The following PTPRK variants were observed in gnomAD, a reference collection of about 807,000 sequenced individuals.
PTPRK encodes the protein receptor-type tyrosine-protein phosphatase kappa.
Under a neutral mutation model 178.0 loss-of-function variants are expected in PTPRK, and 75 were observed. The observed-to-expected ratio is 0.42, with a 90% CI of 0.35 to 0.51. The LOEUF (loss-of-function observed/expected upper bound fraction) is 0.51, where lower values mean the gene tolerates loss of function less well. Ranked by LOEUF, PTPRK falls within the 20% of genes least tolerant of loss-of-function variation. The pLI, the probability that PTPRK is intolerant of heterozygous loss-of-function variation, is 0.02. For synonymous variants in PTPRK, 637 were observed against 620.6 expected (o/e 1.03, Z -0.39); for missense variants, 1,441 against 1,797.8 (o/e 0.80, Z 3.59).
intron 9 of PTPRK, among the ~76,000 whole-genome samples, chr6:128,083,066 T>C (rs536637364): frequency 2.6e-5 from 4 of 152,240 alleles, no homozygotes; most frequent in African/African-American, 9.6e-5. Context: ...TGAACACAGT[T>C]TCAAAATATA....
chr6:128,440,932 G>C (rs1846205184), intron 1 of PTPRK, among the ~76,000 whole-genome samples: 2 of 151,890 alleles, frequency 1.3e-5, no homozygotes. Flanking sequence ...TCCCAGGGAA[G>C]GTGTTGTTAG....
At chr6:128,170,782 G>A (rs1223326015) in intron 7 of PTPRK, among the ~76,000 whole-genome samples, 2 of 151,634 alleles carry the variant, frequency 1.3e-5, no homozygotes, top group African/African-American at 2.4e-5. Flanking sequence ...CTAAAATAAT[G>A]AAAGTAAAAA....
At chr6:128,319,578 T>C (rs997160033) in intron 3 of PTPRK, among the ~76,000 whole-genome samples, 2 of 152,178 alleles carry the variant, frequency 1.3e-5, no homozygotes, top group African/African-American at 4.8e-5. Context: ...ATCTCAAGAC[T>C]GGCCTCCAAT....
intron 3 of PTPRK, among the ~76,000 whole-genome samples, chr6:128,296,137 T>TCTCCTCTCC (rs1382489605): frequency 1.3e-5 from 2 of 151,944 alleles, no homozygotes; most frequent in African/African-American, 4.8e-5. Context: ...TTCTCCTCTT[T>TCTCCTCTCC]CTCCTCTCCC....
chr6:128,246,333 C>A lies in PTPRK; in HGVS notation c.496-3731G>T, dbSNP rs556498858. 1.3e-5 allele frequency among the ~76,000 whole-genome samples: 2 copies of A among 152,120 alleles called. 1 individual carries two copies. The highest frequency in any genetic ancestry group is 1.3e-4 in the Admixed American group (2 of 15,286). ...TCTTGTACTTTAAACAAGATTACTA[C>A]ACCCCTGAGAAAAAGTTTCATATGT... On this transcript the variant is annotated intron_variant, in intron 3 of 29. Coordinates refer to ENST00000368226, the MANE Select transcript of PTPRK (RefSeq NM_002844.4).
intron 13 of PTPRK, among the ~76,000 whole-genome samples, chr6:128,063,808 A>C (rs901520005): frequency 6.6e-6 from 1 of 152,212 alleles, no homozygotes; most frequent in Non-Finnish European, 1.5e-5. Context: ...CTTACAAATC[A>C]GGAGTAAAGC....
intron 1 of PTPRK, among the ~76,000 whole-genome samples, chr6:128,445,251 T>G (rs1189700672): frequency 6.8e-6 from 1 of 147,344 alleles, no homozygotes; most frequent in Non-Finnish European, 1.5e-5. Flanking sequence ...ATACTATATA[T>G]AATTTATATA....
intron 6 of PTPRK, among the ~76,000 whole-genome samples, chr6:128,197,969 A>G (rs1488779488): frequency 6.6e-6 from 1 of 152,096 alleles, no homozygotes; most frequent in African/African-American, 2.4e-5. Flanking sequence ...CCAATTTTCA[A>G]TTAGCCAGTG....
At chr6:128,365,342 T>A (rs1835336753) in intron 2 of PTPRK, among the ~76,000 whole-genome samples, 2 of 152,030 alleles carry the variant, frequency 1.3e-5, no homozygotes, top group South Asian at 4.1e-4. Flanking sequence ...CATTTCTGAG[T>A]TTAAAGTTTA....
intron 2 of PTPRK, among the ~76,000 whole-genome samples, chr6:128,337,942 A>G (rs1213431209): frequency 6.6e-6 from 1 of 152,202 alleles, no homozygotes. Context: ...ACAATGAATA[A>G]AAGAGACTGA....
At chr6:128,165,586 A>T (rs527989929) in intron 7 of PTPRK, among the ~76,000 whole-genome samples, 7 of 151,212 alleles carry the variant, frequency 4.6e-5, no homozygotes, top group Admixed American at 1.3e-4. Flanking sequence ...TATTTATATG[A>T]ATATATAAAT....
chr6:128,384,819 T>G (rs1224943724), intron 2 of PTPRK, among the ~76,000 whole-genome samples: 8 of 152,038 alleles, frequency 5.3e-5, no homozygotes, highest in Non-Finnish European at 8.8e-5. Flanking sequence ...GGAATTAGGT[T>G]TTATCTCTGT....
At chr6:128,181,967 T>C (rs1402618449) in intron 7 of PTPRK, among the ~76,000 whole-genome samples, 1 of 152,266 alleles carries the variant, frequency 6.6e-6, no homozygotes, top group South Asian at 2.1e-4. Context: ...CCTGATGAAA[T>C]AGTAACCATG....
intron 11 of PTPRK, among the ~76,000 whole-genome samples, chr6:128,071,111 G>A (rs542793273): frequency 1.6e-5 from 2 of 125,144 alleles, no homozygotes; most frequent in East Asian, 4.2e-4. Flanking sequence ...TCTGAGGATA[G>A]AGAGGTTAAA....
intron 1 of PTPRK, chr6:128,518,862 T>G (rs980872041): frequency 2.6e-6 from 1 of 378,724 alleles, no homozygotes; most frequent in Non-Finnish European, 5.2e-6. Flanking sequence ...GTTGTTTAAC[T>G]CCCTTTACAG....
At chr6:128,208,248 T>C (rs951417467) in intron 6 of PTPRK, among the ~76,000 whole-genome samples, 13 of 149,534 alleles carry the variant, frequency 8.7e-5, no homozygotes, top group African/African-American at 3.2e-4. Context: ...CTACAGTGAA[T>C]GACATTCTTT....
chr6:128,490,853 C>T (rs1380253392), intron 1 of PTPRK, among the ~76,000 whole-genome samples: 1 of 152,160 alleles, frequency 6.6e-6, no homozygotes, highest in Non-Finnish European at 1.5e-5. Context: ...GGATAGCCAC[C>T]TTCTGGTCTT....
At chr6:128,449,256 ATACT>A (rs1256058617) in intron 1 of PTPRK, among the ~76,000 whole-genome samples, 1 of 152,160 alleles carries the variant, frequency 6.6e-6, no homozygotes. Context: ...CACAAATCTC[ATACT>A]TACACCATTG....
At chr6:128,167,821 C>T (rs1799639317) in intron 7 of PTPRK, among the ~76,000 whole-genome samples, 1 of 151,998 alleles carries the variant, frequency 6.6e-6, no homozygotes, top group Non-Finnish European at 1.5e-5. Flanking sequence ...AATATTACTT[C>T]TACTTACATG....
Sources: allele counts gnomAD v4.1 joint callset (sites outside exome capture counted in the v4.1 genomes callset), GRCh38; gene constraint gnomAD v4.1.1; transcripts MANE v1.5; gene names NCBI Gene and HGNC (gene_info 2026-07-23, HGNC 2026-07-21).